CNTNAP2: variants seen among roughly 807,000 people sequenced by gnomAD.
CNTNAP2 encodes the protein contactin associated protein 2.
Under a neutral mutation model 155.2 loss-of-function variants are expected in CNTNAP2, and 98 were observed. The observed-to-expected ratio is 0.63, with a 90% CI of 0.54 to 0.75. The LOEUF (loss-of-function observed/expected upper bound fraction) is 0.75. Among genes scored for constraint, CNTNAP2 ranks in the 30% least tolerant of loss-of-function variants. The pLI, the probability that CNTNAP2 is intolerant of heterozygous loss-of-function variation, is 0.00. For synonymous variants in CNTNAP2, 651 were observed against 631.2 expected (o/e 1.03, Z -0.47); for missense variants, 1,727 against 1,688.1 (o/e 1.02, Z -0.40).
At chr7:146,182,599 C>A (rs544603840) in intron 1 of CNTNAP2, among the ~76,000 whole-genome samples, 2 of 152,128 alleles carry the variant, frequency 1.3e-5, no homozygotes, top group South Asian at 4.1e-4. Flanking sequence ...CCATTTCCAT[C>A]GCTTCACTTT....
chr7:147,999,100 T>A (rs1801855794), intron 15 of CNTNAP2, among the ~76,000 whole-genome samples: 1 of 152,158 alleles, frequency 6.6e-6, no homozygotes, highest in Non-Finnish European at 1.5e-5. Context: ...TCTTTTTTTT[T>A]GAGACAGAGT....
chr7:148,074,630 G>A (rs1341503190), intron 15 of CNTNAP2, among the ~76,000 whole-genome samples: 1 of 151,918 alleles, frequency 6.6e-6, no homozygotes, highest in African/African-American at 2.4e-5. Context: ...GGAGGTTGCA[G>A]TGAGCCGAGA....
chr7:146,705,774 T>C (rs554144704), intron 1 of CNTNAP2, among the ~76,000 whole-genome samples: 1 of 152,160 alleles, frequency 6.6e-6, no homozygotes, highest in South Asian at 2.1e-4. Flanking sequence ...GAGGAAAGTA[T>C]GGGGGAAGCT....
intron 3 of CNTNAP2, among the ~76,000 whole-genome samples, chr7:146,851,239 C>T (rs1794872072): frequency 6.6e-6 from 1 of 152,106 alleles, no homozygotes; most frequent in Admixed American, 6.6e-5. Flanking sequence ...CTAGCCTCGG[C>T]CTCCCAGAGT....
chr7:146,757,982 G>A (rs986957031), intron 1 of CNTNAP2, among the ~76,000 whole-genome samples: 6 of 151,906 alleles, frequency 3.9e-5, no homozygotes, highest in Non-Finnish European at 7.4e-5. Flanking sequence ...CATTCTCTGG[G>A]AATCTCCTCT....
intron 14 of CNTNAP2, among the ~76,000 whole-genome samples, chr7:147,907,675 T>C (rs972941455): frequency 1.3e-5 from 2 of 152,196 alleles, no homozygotes; most frequent in Non-Finnish European, 2.9e-5. Flanking sequence ...AAAATAAATC[T>C]TGGCAAATTT....
At chr7:147,060,736 C>T (rs891358735) in intron 4 of CNTNAP2, among the ~76,000 whole-genome samples, 9 of 151,958 alleles carry the variant, frequency 5.9e-5, no homozygotes, top group Non-Finnish European at 1.0e-4. Context: ...TGGTGGCGGG[C>T]GCCTGTAGTC....
At chr7:146,932,223 A>G (rs1796777386) in intron 3 of CNTNAP2, among the ~76,000 whole-genome samples, 2 of 152,242 alleles carry the variant, frequency 1.3e-5, no homozygotes, top group African/African-American at 4.8e-5. Flanking sequence ...GCAGCACATC[A>G]AACAGCTTAT....
chr7:146,879,915 CA>C, intron 3 of CNTNAP2, among the ~76,000 whole-genome samples: 1 of 151,882 alleles, frequency 6.6e-6, no homozygotes, highest in Non-Finnish European at 1.5e-5. Flanking sequence ...TGGCTGAAGG[CA>C]AAAGGCACAT....
chr7:147,168,912 T>C (rs930194024), intron 8 of CNTNAP2, among the ~76,000 whole-genome samples: 1 of 152,096 alleles, frequency 6.6e-6, no homozygotes, highest in African/African-American at 2.4e-5. Flanking sequence ...ATATGACATA[T>C]AGAATATAGA....
chr7:147,461,358 TAA>T (rs1341952047), intron 10 of CNTNAP2, among the ~76,000 whole-genome samples: 1 of 152,216 alleles, frequency 6.6e-6, no homozygotes, highest in Non-Finnish European at 1.5e-5. Context: ...GCTAATGCTG[TAA>T]TAATTTGAAG....
intron 3 of CNTNAP2, among the ~76,000 whole-genome samples, chr7:147,001,560 T>C (rs1186978743): frequency 1.3e-5 from 2 of 152,046 alleles, no homozygotes; most frequent in Non-Finnish European, 2.9e-5. Context: ...TTCTTCATTT[T>C]TTAAATTCTG....
chr7:147,103,797 A>G (rs899550004), intron 4 of CNTNAP2, among the ~76,000 whole-genome samples: 5 of 152,058 alleles, frequency 3.3e-5, no homozygotes, highest in African/African-American at 1.2e-4. Flanking sequence ...CAACTCTGTG[A>G]TATTCTCCCC....
At chr7:146,986,391 A>G (rs1266653327) in intron 3 of CNTNAP2, among the ~76,000 whole-genome samples, 1 of 152,092 alleles carries the variant, frequency 6.6e-6, no homozygotes, top group Admixed American at 6.5e-5. Flanking sequence ...CAGTTTCTTT[A>G]TCCACTCATT....
At chr7:147,453,215 AC>A (rs751807628) in intron 10 of CNTNAP2, among the ~76,000 whole-genome samples, 6 of 152,046 alleles carry the variant, frequency 3.9e-5, no homozygotes, top group Non-Finnish European at 5.9e-5. Flanking sequence ...ATTTATACCA[AC>A]CCTTTTCCTC....
At chr7:148,183,210 C>A (rs1476223918) in intron 18 of CNTNAP2, among the ~76,000 whole-genome samples, 1 of 152,128 alleles carries the variant, frequency 6.6e-6, no homozygotes, top group Non-Finnish European at 1.5e-5. Context: ...GCCAGAAGGC[C>A]GAGTGAGAGA....
chr7:147,840,705 T>C (rs1459115346), intron 13 of CNTNAP2, among the ~76,000 whole-genome samples: 1 of 151,970 alleles, frequency 6.6e-6, no homozygotes, highest in Non-Finnish European at 1.5e-5. Flanking sequence ...TTTGAAAGAA[T>C]TGAATGTAAT....
chr7:147,210,364 A>G (rs1367870450), intron 8 of CNTNAP2, among the ~76,000 whole-genome samples: 3 of 151,904 alleles, frequency 2.0e-5, no homozygotes, highest in Non-Finnish European at 4.4e-5. Context: ...TCCTTTAGAC[A>G]TTCTGTTTTG....
chr7:146,689,122 T>C (rs1213022932), intron 1 of CNTNAP2, among the ~76,000 whole-genome samples: 1 of 152,098 alleles, frequency 6.6e-6, no homozygotes, highest in Admixed American at 6.6e-5. Context: ...ATATATACTT[T>C]ACTAAAAATT....
Sources: gnomAD v4.1 joint callset for allele counts (sites outside exome capture counted in the v4.1 genomes callset) on GRCh38, gnomAD v4.1.1 for gene constraint, MANE v1.5 for transcripts, NCBI Gene and HGNC (gene_info 2026-07-23, HGNC 2026-07-21) for gene names.